Variants in RBFOX3 observed in about 807,000 individuals in gnomAD.
The protein encoded by RBFOX3 is RNA binding protein fox-1 homolog 3.
Under a neutral mutation model 48.7 loss-of-function variants are expected in RBFOX3, and 17 were observed. The observed-to-expected ratio is 0.35, with a 90% CI of 0.24 to 0.52. The LOEUF is 0.52. Ranked by LOEUF, RBFOX3 falls within the 20% of genes least tolerant of loss-of-function variation. RBFOX3 has a pLI of 0.94. For synonymous variants in RBFOX3, 212 were observed against 209.5 expected (o/e 1.01, Z -0.10); for missense variants, 382 against 497.5 (o/e 0.77, Z 2.21).
chr17:79,091,498 G>A (rs576113766), intron 14 of RBFOX3, among the ~76,000 whole-genome samples: 24 of 152,332 alleles, frequency 1.6e-4, no homozygotes, highest in Non-Finnish European at 3.1e-4. Flanking sequence ...TGTCTCCCCA[G>A]AAGCGCCATG....
At chr17:79,373,777 C>A (rs761729026) in intron 2 of RBFOX3, among the ~76,000 whole-genome samples, 2 of 152,202 alleles carry the variant, frequency 1.3e-5, no homozygotes, top group African/African-American at 4.8e-5. Context: ...AAGGACACAA[C>A]CTCCTTCCTC....
At chr17:79,513,344 A>G (rs1313490970) in intron 1 of RBFOX3, among the ~76,000 whole-genome samples, 1 of 152,186 alleles carries the variant, frequency 6.6e-6, no homozygotes, top group Non-Finnish European at 1.5e-5. Flanking sequence ...ACCACCAGGC[A>G]TGGCCCCACG....
chr17:79,395,936 TGGG>T (rs780624210), intron 2 of RBFOX3, among the ~76,000 whole-genome samples: 7 of 152,208 alleles, frequency 4.6e-5, no homozygotes, highest in Admixed American at 1.3e-4. Context: ...ACCCTTGGTC[TGGG>T]GTACAGGTGC....
chr17:79,504,749 TTCA>T (rs2082848149), intron 1 of RBFOX3, among the ~76,000 whole-genome samples: 1 of 152,184 alleles, frequency 6.6e-6, no homozygotes, highest in African/African-American at 2.4e-5. Context: ...GATCCTTCAC[TTCA>T]TCACACCTAC....
chr17:79,222,061 C>CTGCCTGATTTCTACCCGT (rs1406779675), intron 4 of RBFOX3, among the ~76,000 whole-genome samples: 1 of 152,182 alleles, frequency 6.6e-6, no homozygotes, highest in East Asian at 1.9e-4. Context: ...TAGGGACCTG[C>CTGCCTGATTTCTACCCGT]TGCCTGATTT....
chr17:79,122,633 G>A (rs192291403), intron 4 of RBFOX3, among the ~76,000 whole-genome samples: 4 of 152,320 alleles, frequency 2.6e-5, no homozygotes, highest in East Asian at 1.9e-4. Flanking sequence ...CAACCACTAC[G>A]GAGAACAGTT....
chr17:79,466,855 A>C (rs1314789182), intron 2 of RBFOX3, among the ~76,000 whole-genome samples: 2 of 152,042 alleles, frequency 1.3e-5, no homozygotes, highest in Admixed American at 1.3e-4. Flanking sequence ...CTCCCCACCT[A>C]GGGCAGCCCA....
intron 4 of RBFOX3, among the ~76,000 whole-genome samples, chr17:79,183,034 A>T (rs1324463600): frequency 6.7e-6 from 1 of 148,498 alleles, no homozygotes; most frequent in Non-Finnish European, 1.5e-5. Context: ...GACGCCCCAA[A>T]CTCCGGCCCC....
intron 1 of RBFOX3, among the ~76,000 whole-genome samples, chr17:79,499,978 C>A (rs945891284): frequency 1.3e-5 from 2 of 152,236 alleles, no homozygotes; most frequent in African/African-American, 4.8e-5. Flanking sequence ...TCTGGGCCTG[C>A]CGTGGGACTT....
rs2093410701 is a variant in RBFOX3, at chr17:79,591,355, T to C, written c.-320+19471A>G. 4.6e-5 allele frequency among the ~76,000 whole-genome samples: 7 copies of C among 152,220 alleles called. No homozygotes were observed. In the South Asian group the frequency reaches 1.5e-3, roughly 32 times the overall value. ...TGTTGTCACAGCCACGCTGCCACTC[T>C]AGATTTCCTGGGGACAGGAGACACA... On this transcript the variant is annotated intron_variant, in intron 1 of 14. Transcript: ENST00000693108.
At chr17:79,624,134 C>G in the RBFOX3 span, among the ~76,000 whole-genome samples, 1 of 152,228 alleles carries the variant, frequency 6.6e-6, no homozygotes, top group Admixed American at 6.5e-5. Flanking sequence ...TTTTAAGCCA[C>G]TAGGTTTGTT....
chr17:79,383,210 C>G (rs2060154946), intron 2 of RBFOX3, among the ~76,000 whole-genome samples: 1 of 152,222 alleles, frequency 6.6e-6, no homozygotes. Context: ...TCACATCACA[C>G]AGCCTGCCTG....
At chr17:79,168,727 G>A (rs906130867) in intron 4 of RBFOX3, among the ~76,000 whole-genome samples, 3 of 152,238 alleles carry the variant, frequency 2.0e-5, no homozygotes, top group African/African-American at 4.8e-5. Flanking sequence ...CGGGTGGCCC[G>A]GCAGACACAG....
At chr17:79,312,926 G>A (rs947285197) in intron 2 of RBFOX3, among the ~76,000 whole-genome samples, 5 of 152,114 alleles carry the variant, frequency 3.3e-5, no homozygotes, top group Middle Eastern at 3.2e-3. Context: ...CAGTGGGACC[G>A]AGGGAAGCCC....
chr17:79,386,683 C>T (rs1016118381), intron 2 of RBFOX3, among the ~76,000 whole-genome samples: 1 of 152,236 alleles, frequency 6.6e-6, no homozygotes, highest in African/African-American at 2.4e-5. Flanking sequence ...CTTCCCCACC[C>T]GACATCTTGG....
chr17:79,646,518 G>A, the RBFOX3 span, among the ~76,000 whole-genome samples: 11 of 152,212 alleles, frequency 7.2e-5, no homozygotes, highest in South Asian at 2.1e-4. Context: ...AGGCAAGAGA[G>A]TGTGTGCAGG....
chr17:79,460,258 T>C (rs185817077), intron 2 of RBFOX3, among the ~76,000 whole-genome samples: 4 of 152,306 alleles, frequency 2.6e-5, no homozygotes, highest in East Asian at 1.9e-4. Flanking sequence ...CATGTTATGT[T>C]ATGTACAATT....
chr17:79,117,753 G>C (rs1329565872), intron 4 of RBFOX3, among the ~76,000 whole-genome samples: 1 of 152,208 alleles, frequency 6.6e-6, no homozygotes, highest in Non-Finnish European at 1.5e-5. Flanking sequence ...TACCTGGGGT[G>C]TGCCAGGCCC....
intron 3 of RBFOX3, among the ~76,000 whole-genome samples, chr17:79,260,885 C>T (rs28734111): frequency 0.14 from 21,195 of 152,152 alleles, 1,686 homozygotes; most frequent in East Asian, 0.32. Context: ...TCACCCTCCA[C>T]GGGCCGCACA....
Sources: allele counts gnomAD v4.1 joint callset (sites outside exome capture counted in the v4.1 genomes callset), GRCh38; gene constraint gnomAD v4.1.1; transcripts MANE v1.5; gene names NCBI Gene and HGNC (gene_info 2026-07-23, HGNC 2026-07-21).